The following NPAS3 variants were observed in gnomAD, a reference collection of about 807,000 sequenced individuals.
The protein encoded by NPAS3 is neuronal PAS domain protein 3, also known as neuronal PAS domain-containing protein 3.
In NPAS3, 14 loss-of-function variants were observed where a neutral mutation model predicts 73.1. The ratio of observed to expected loss-of-function variants is 0.19; its 90% CI spans 0.13 to 0.30. The LOEUF (loss-of-function observed/expected upper bound fraction) is 0.30. Among genes scored for constraint, NPAS3 ranks in the 10% least tolerant of loss-of-function variants. NPAS3 has a pLI of 1.00. For missense variants in NPAS3, 1,096 were observed against 1,250.0 expected, an observed-to-expected ratio of 0.88 and a Z score of 1.86; for synonymous variants, 620 against 541.5, an observed-to-expected ratio of 1.14 and a Z score of -2.01.
At chr14:33,328,701 C>T (rs1025788361) in intron 3 of NPAS3, among the ~76,000 whole-genome samples, 2 of 151,848 alleles carry the variant, frequency 1.3e-5, no homozygotes, top group African/African-American at 4.8e-5. Flanking sequence ...ACGTGATCCT[C>T]CCGCTTTGGC....
chr14:33,299,104 G>T (rs1594632478), intron 3 of NPAS3, among the ~76,000 whole-genome samples: 2 of 152,166 alleles, frequency 1.3e-5, no homozygotes, highest in African/African-American at 4.8e-5. Context: ...AGTTTCTGGA[G>T]CTGCCATAGA....
intron 4 of NPAS3, among the ~76,000 whole-genome samples, chr14:33,413,989 G>C (rs2048040835): frequency 6.6e-6 from 1 of 152,040 alleles, no homozygotes; most frequent in South Asian, 2.1e-4. Flanking sequence ...ATGAAAATGA[G>C]CCTTCCTCTT....
At chr14:32,938,295 G>T (rs1002871961), upstream of NPAS3, among the ~76,000 whole-genome samples, 7 of 152,084 alleles carry the variant, frequency 4.6e-5, no homozygotes, top group Non-Finnish European at 1.0e-4. Context: ...AGGAGCTCCC[G>T]GGACTGTGTC....
chr14:33,496,054 A>G (rs1273097427), intron 4 of NPAS3, among the ~76,000 whole-genome samples: 1 of 152,190 alleles, frequency 6.6e-6, no homozygotes, highest in African/African-American at 2.4e-5. Context: ...ACAAACTACC[A>G]TCAGAAAATA....
intron 2 of NPAS3, among the ~76,000 whole-genome samples, chr14:33,095,055 G>T (rs112435295): frequency 1.3e-5 from 2 of 152,190 alleles, no homozygotes; most frequent in African/African-American, 4.8e-5. Context: ...AGCAGTTAAC[G>T]TATACGTTGG....
intron 4 of NPAS3, among the ~76,000 whole-genome samples, chr14:33,556,103 C>T (rs2055347142): frequency 6.6e-6 from 1 of 152,122 alleles, no homozygotes; most frequent in African/African-American, 2.4e-5. Flanking sequence ...CTGGCCAGTT[C>T]TTAGATCGCT....
chr14:33,268,976 G>T (rs2040948399), intron 3 of NPAS3, among the ~76,000 whole-genome samples: 2 of 152,048 alleles, frequency 1.3e-5, no homozygotes, highest in Admixed American at 1.3e-4. Flanking sequence ...AAAGGTCATG[G>T]CAGACTAATG....
chr14:33,200,737 A>G (rs957391881), intron 2 of NPAS3, among the ~76,000 whole-genome samples: 2 of 152,190 alleles, frequency 1.3e-5, no homozygotes, highest in African/African-American at 4.8e-5. Flanking sequence ...CTTTGGGGCC[A>G]CATTCCAATC....
chr14:33,708,255 A>G (rs975607362), intron 6 of NPAS3, among the ~76,000 whole-genome samples: 1 of 152,220 alleles, frequency 6.6e-6, no homozygotes, highest in Admixed American at 6.5e-5. Context: ...CAGTGATAGA[A>G]TAATAGCAAA....
intron 5 of NPAS3, among the ~76,000 whole-genome samples, chr14:33,649,335 ACT>A (rs1251183816): frequency 1.3e-5 from 2 of 152,202 alleles, no homozygotes; most frequent in African/African-American, 4.8e-5. Context: ...CGTTGACAAA[ACT>A]GGCTCAAGAG....
chr14:32,939,239 ACCCCCGCCCGCCCACGCC>A, upstream of NPAS3: 1 of 451,564 alleles, frequency 2.2e-6, no homozygotes. Flanking sequence ...GCACACGCAC[ACCCCCGCCCGCCCACGCC>A]CCCCACCCGG....
chr14:33,694,733 T>C (rs144272301), intron 6 of NPAS3, among the ~76,000 whole-genome samples: 2 of 152,326 alleles, frequency 1.3e-5, no homozygotes, highest in East Asian at 3.9e-4. Flanking sequence ...TAAGTTATAT[T>C]GATTTATCCA....
At chr14:33,118,517 C>T (rs1472607778) in intron 2 of NPAS3, among the ~76,000 whole-genome samples, 4 of 152,068 alleles carry the variant, frequency 2.6e-5, no homozygotes, top group Non-Finnish European at 5.9e-5. Flanking sequence ...TTTTTCCATA[C>T]GGTCTGTCTT....
chr14:33,548,183 G>A (rs1207066202), intron 4 of NPAS3, among the ~76,000 whole-genome samples: 1 of 152,166 alleles, frequency 6.6e-6, no homozygotes, highest in Admixed American at 6.5e-5. Flanking sequence ...GTGGCTGAAC[G>A]TATTATTGCT....
intron 10 of NPAS3, among the ~76,000 whole-genome samples, chr14:33,794,505 C>T (rs994200106): frequency 2.0e-5 from 3 of 152,000 alleles, no homozygotes; most frequent in African/African-American, 2.4e-5. Context: ...CTTTGATGCC[C>T]TTAGCATATT....
chr14:33,086,785 A>G (rs2042039318), intron 2 of NPAS3, among the ~76,000 whole-genome samples: 2 of 152,152 alleles, frequency 1.3e-5, no homozygotes, highest in Non-Finnish European at 2.9e-5. Context: ...TCCTATTAGT[A>G]TGGCCTAGTG....
chr14:32,938,488 A>AGAGAGAGAGAGAAATT (rs1473025220), upstream of NPAS3, among the ~76,000 whole-genome samples: 18 of 84,556 alleles, frequency 2.1e-4, no homozygotes, highest in Non-Finnish European at 4.0e-4. Context: ...AGAGAAATTG[A>AGAGAGAGAGAGAAATT]GAGAGAGAGA....
chr14:33,200,624 G>A (rs1392763457), intron 2 of NPAS3, among the ~76,000 whole-genome samples: 3 of 151,934 alleles, frequency 2.0e-5, no homozygotes, highest in Non-Finnish European at 4.4e-5. Context: ...GGCCTACAAA[G>A]AGTTTCATTT....
intron 3 of NPAS3, among the ~76,000 whole-genome samples, chr14:33,241,703 T>C (rs2048219702): frequency 6.6e-6 from 1 of 151,972 alleles, no homozygotes; most frequent in African/African-American, 2.4e-5. Flanking sequence ...TCAGGCTGCT[T>C]TGACAGTAAA....
Sources: gnomAD v4.1 joint callset for allele counts (sites outside exome capture counted in the v4.1 genomes callset) on GRCh38, gnomAD v4.1.1 for gene constraint, MANE v1.5 for transcripts, NCBI Gene and HGNC (gene_info 2026-07-23, HGNC 2026-07-21) for gene names.